Variants in ZNF407 observed in about 807,000 individuals in gnomAD.
The protein encoded by ZNF407 is zinc finger protein 407.
ZNF407 carries 17 observed loss-of-function variants against 131.2 expected under a neutral mutation model. That is an observed-to-expected ratio of 0.13 (90% CI 0.09 to 0.19). ZNF407 has a LOEUF of 0.19. Ranked by LOEUF, ZNF407 falls within the 10% of genes least tolerant of loss-of-function variation. The pLI is 1.00. For missense variants in ZNF407, 2,681 were observed against 2,830.6 expected (o/e 0.95, Z 1.20); for synonymous variants, 1,156 against 1,062.0 (o/e 1.09, Z -1.72).
At chr18:74,658,408 G>T (rs1985571200) in intron 3 of ZNF407, among the ~76,000 whole-genome samples, 1 of 152,074 alleles carries the variant, frequency 6.6e-6, no homozygotes, top group African/African-American at 2.4e-5. Flanking sequence ...GTGCCACCGC[G>T]CCTGGCCTTC....
intron 8 of ZNF407, among the ~76,000 whole-genome samples, chr18:74,932,827 T>A (rs1971997566): frequency 6.6e-6 from 1 of 152,066 alleles, no homozygotes; most frequent in South Asian, 2.1e-4. Flanking sequence ...TATGCTTTAA[T>A]AAAAAAAACC....
chr18:74,922,628 G>A (rs1165663496), intron 8 of ZNF407, among the ~76,000 whole-genome samples: 1 of 152,172 alleles, frequency 6.6e-6, no homozygotes, highest in Non-Finnish European at 1.5e-5. Flanking sequence ...GTGTGCAAAT[G>A]TGCTATACCC....
Position 74,641,078 on chromosome 18 carries a change from G to A in ZNF407, c.4758G>A (p.Val1586=), listed in dbSNP as rs371417079. 3.4e-4 allele frequency: 553 copies of A among 1,613,278 alleles called. No homozygotes were observed. Among genetic ancestry groups the A allele is most frequent in the Non-Finnish European group, 4.2e-4 (495 of 1,179,488 alleles). The change falls in exon 3 of 9, where the codon GTG becomes GTA. Residue 1586 remains valine (V), a synonymous_variant. Coordinates refer to ENST00000299687, the MANE Select transcript of ZNF407 (RefSeq NM_017757.3). ...AGCTTGGAGATGCCAGAAACCATGT[G>A]AAAAGGCACCTTGGGATGAGGGAAT... ...TAQLGDARNH[V]KRHLGMREYK...
chr18:75,050,493 A>C (rs1973487486), intron 8 of ZNF407, among the ~76,000 whole-genome samples: 1 of 152,230 alleles, frequency 6.6e-6, no homozygotes, highest in Non-Finnish European at 1.5e-5. Context: ...AGCTGTAGCC[A>C]AAGGGTCAGC....
intron 4 of ZNF407, chr18:74,804,312 A>C (rs1225431057): frequency 7.0e-6 from 8 of 1,142,376 alleles, no homozygotes; most frequent in Non-Finnish European, 8.6e-6. Flanking sequence ...TAAAAAAAAA[A>C]AAACCCTTAA....
intron 1 of ZNF407, 104 bp from the exon 2 acceptor site, chr18:74,630,863 G>A: frequency 1.2e-6 from 1 of 800,464 alleles, no homozygotes; most frequent in East Asian, 2.8e-5. Context: ...CAGTATAAAG[G>A]GTGTTTCATT....
rs78441378 is a variant in ZNF407 at position 75,043,728 on chromosome 18, G to A, written c.5429-19422G>A. ...CAGCCATATCAGCTTTCCGTCATGG[G>A]CAAATTTAACAAGTTGACCCTGTGG... On this transcript the variant is annotated intron_variant, in intron 8 of 8. Coordinates refer to ENST00000299687, the MANE Select transcript of ZNF407 (RefSeq NM_017757.3). Among the ~76,000 whole-genome samples, 805 of 152,270 alleles carry A rather than the reference G, an allele frequency of 5.3e-3. 8 individuals carry two copies. The highest frequency in any genetic ancestry group is 0.018 in the African/African-American group (750 of 41,550).
At chr18:74,603,024 G>A (rs1407697254) in intron 1 of ZNF407, among the ~76,000 whole-genome samples, 2 of 152,150 alleles carry the variant, frequency 1.3e-5, no homozygotes, top group Non-Finnish European at 2.9e-5. Flanking sequence ...CAGCCCGGCA[G>A]ATCATGGGGC....
chr18:74,696,034 T>G (rs1967346570), intron 3 of ZNF407, among the ~76,000 whole-genome samples: 1 of 152,226 alleles, frequency 6.6e-6, no homozygotes, highest in Admixed American at 6.5e-5. Flanking sequence ...CTGGCTAGTT[T>G]TCCTGGAGAA....
chr18:74,601,323 G>GTA (rs1332983718), intron 1 of ZNF407, among the ~76,000 whole-genome samples: 1,548 of 125,226 alleles, frequency 0.012, 21 homozygotes, highest in African/African-American at 0.032. Flanking sequence ...GTGTGTGTGT[G>GTA]TATGTCTGTG....
rs527480993 is a variant in ZNF407, at chr18:74,924,201, A to C, written c.5428+3509A>C. On this transcript the variant is annotated intron_variant, in intron 8 of 8. Coordinates refer to ENST00000299687, the MANE Select transcript of ZNF407 (RefSeq NM_017757.3). Reference sequence around the variant, plus strand: ...TTATTTGCCCTTGTAGGCACCAGTCACTGAATGAAGTACAGTGGTCTAGTA... The same window carrying C: ...TTATTTGCCCTTGTAGGCACCAGTCCCTGAATGAAGTACAGTGGTCTAGTA... Among the ~76,000 whole-genome samples the C allele has an allele frequency of 3.0e-4, 46 of 152,340 alleles. 1 individual carries two copies. The highest frequency in any genetic ancestry group is 6.6e-4 in the Non-Finnish European group (45 of 68,030).
At position 74,754,172 on chromosome 18, in the gene ZNF407, T is replaced by G. The variant is rs915356458; in HGVS notation, c.4803-27256T>G. Among the ~76,000 whole-genome samples the G allele has an allele frequency of 7.9e-5, 12 of 152,338 alleles. 1 individual carries two copies. The South Asian group carries it at 1.9e-3, about 24-fold the overall frequency. On this transcript the variant is annotated intron_variant, in intron 3 of 8. Transcript: ENST00000299687. Reference sequence around the variant, plus strand: ...GTATTCTCTGATGGTAGTTTGTATTTCTGTGGGATTGGTGGTGCTATCCCC... The same window carrying G: ...GTATTCTCTGATGGTAGTTTGTATTGCTGTGGGATTGGTGGTGCTATCCCC...
At chr18:74,613,208 A>T (rs1983139837) in intron 1 of ZNF407, among the ~76,000 whole-genome samples, 1 of 152,228 alleles carries the variant, frequency 6.6e-6, no homozygotes, top group Non-Finnish European at 1.5e-5. Flanking sequence ...AAGCAGGGGC[A>T]CATTTGGGGA....
At chr18:74,742,989 G>A (rs1968585313) in intron 3 of ZNF407, among the ~76,000 whole-genome samples, 1 of 152,098 alleles carries the variant, frequency 6.6e-6, no homozygotes, top group Non-Finnish European at 1.5e-5. Flanking sequence ...CAAAGGCGGT[G>A]GATGGATGGA....
chr18:74,885,146 T>G (rs1971290514), intron 6 of ZNF407, among the ~76,000 whole-genome samples: 1 of 152,202 alleles, frequency 6.6e-6, no homozygotes. Context: ...TACCTAAGTC[T>G]TATTATACAG....
intron 8 of ZNF407, among the ~76,000 whole-genome samples, chr18:75,050,882 T>C (rs1201781437): frequency 6.6e-6 from 1 of 152,196 alleles, no homozygotes; most frequent in African/African-American, 2.4e-5. Context: ...TCCTGAGGAA[T>C]CAAACCCAAG....
chr18:74,798,088 C>A (rs906707435), intron 4 of ZNF407, among the ~76,000 whole-genome samples: 1 of 151,922 alleles, frequency 6.6e-6, no homozygotes, highest in Non-Finnish European at 1.5e-5. Flanking sequence ...AATCTGTGTT[C>A]TTATTTTTCA....
chr18:74,962,832 G>A (rs980357824), intron 8 of ZNF407, among the ~76,000 whole-genome samples: 3 of 152,206 alleles, frequency 2.0e-5, no homozygotes, highest in African/African-American at 4.8e-5. Context: ...CTCTCCTACT[G>A]TAAACTCTTT....
intron 1 of ZNF407, among the ~76,000 whole-genome samples, chr18:74,626,561 C>A (rs1259504494): frequency 2.0e-5 from 3 of 152,082 alleles, no homozygotes; most frequent in Non-Finnish European, 4.4e-5. Context: ...CAGTTCCGTT[C>A]ATTTGGTAGG....
Sources: gnomAD v4.1 joint callset for allele counts (sites outside exome capture counted in the v4.1 genomes callset) on GRCh38, gnomAD v4.1.1 for gene constraint, MANE v1.5 for transcripts, NCBI Gene and HGNC (gene_info 2026-07-23, HGNC 2026-07-21) for gene names.